PLPP1: variants seen among roughly 807,000 people sequenced by gnomAD.
PLPP1 encodes the protein lipid phosphate phosphohydrolase 1a.
A neutral mutation model predicts 31.2 loss-of-function variants in PLPP1; 24 were observed. That is an observed-to-expected ratio of 0.77 (90% CI 0.56 to 1.08). The LOEUF is 1.08. Among genes scored for constraint, PLPP1 ranks in the 50% least tolerant of loss-of-function variants. The probability of loss-of-function intolerance (pLI) is 0.00; values close to 1 mark genes in which losing one functional copy is unlikely to be tolerated. For missense variants in PLPP1, 319 were observed against 342.7 expected (o/e 0.93, Z 0.55); for synonymous variants, 146 against 126.3 (o/e 1.16, Z -1.05).
chr5:55,534,363 C>A (rs900628204), intron 1 of PLPP1, among the ~76,000 whole-genome samples: 1 of 152,192 alleles, frequency 6.6e-6, no homozygotes, highest in Non-Finnish European at 1.5e-5. Flanking sequence ...GGGCTCATCG[C>A]ACCGGCGGGC....
intron 3 of PLPP1, among the ~76,000 whole-genome samples, 178 bp downstream of exon 3, chr5:55,467,691 C>T (rs759039576): frequency 1.2e-4 from 18 of 151,862 alleles, no homozygotes; most frequent in Admixed American, 4.6e-4. Flanking sequence ...AAATGGAAGA[C>T]AGCAATAAAA....
chr5:55,444,084 CTTT>C (rs11374794), intron 3 of PLPP1, among the ~76,000 whole-genome samples: 4 of 140,590 alleles, frequency 2.8e-5, no homozygotes, highest in Non-Finnish European at 3.1e-5. Context: ...AGCCCAAATG[CTTT>C]TTTTTTTTTT....
At chr5:55,495,986 T>A (rs1202860070) in intron 1 of PLPP1, among the ~76,000 whole-genome samples, 3 of 152,116 alleles carry the variant, frequency 2.0e-5, no homozygotes, top group Non-Finnish European at 4.4e-5. Flanking sequence ...GCCTCCTGAT[T>A]AGCTGGGACC....
chr5:55,504,156 G>A (rs1181338819), intron 1 of PLPP1, among the ~76,000 whole-genome samples: 1 of 151,440 alleles, frequency 6.6e-6, no homozygotes, highest in Non-Finnish European at 1.5e-5. Context: ...GGATCAGGAG[G>A]TCAGGAGTTT....
At chr5:55,534,459 C>A (rs1430728164) in intron 1 of PLPP1, 113 bp downstream of exon 1, 48 of 1,142,682 alleles carry the variant, frequency 4.2e-5, no homozygotes, top group Non-Finnish European at 1.2e-5. Context: ...CGTGTGTCGC[C>A]CCACAGCTGC....
At chr5:55,524,580 C>T (rs1267084666) in intron 1 of PLPP1, among the ~76,000 whole-genome samples, 4 of 152,200 alleles carry the variant, frequency 2.6e-5, no homozygotes, top group Non-Finnish European at 4.4e-5. Flanking sequence ...GGAGCCAAGA[C>T]GGGTGGATCA....
At chr5:55,459,298 G>T (rs1446483891) in intron 3 of PLPP1, among the ~76,000 whole-genome samples, 1 of 149,568 alleles carries the variant, frequency 6.7e-6, no homozygotes, top group Non-Finnish European at 1.5e-5. Context: ...AAAAAACAAA[G>T]TTTACGCAAA....
intron 3 of PLPP1, among the ~76,000 whole-genome samples, chr5:55,457,687 G>C (rs979679051): frequency 6.6e-6 from 1 of 152,002 alleles, no homozygotes; most frequent in Non-Finnish European, 1.5e-5. Context: ...TCAGCAGTTC[G>C]AGACCAGCCT....
intron 4 of PLPP1, among the ~76,000 whole-genome samples, chr5:55,429,908 C>A (rs1043288000): frequency 6.6e-6 from 1 of 152,058 alleles, no homozygotes; most frequent in Non-Finnish European, 1.5e-5. Flanking sequence ...ACAAAAACAC[C>A]CCTACCTACC....
rs1740831852 is a variant in PLPP1, at chr5:55,534,898, T to C, written c.-269A>G. The stretch of plus-strand genomic sequence containing the variant: ...TGCCAGCCGCGGCAGCTCTGTAGCC[T>C]CAGGACCTCCTCAGCCGGCACGGCC... On this transcript the variant is annotated 5_prime_UTR_variant, in exon 1 of 6. Coordinates refer to ENST00000307259, the MANE Select transcript of PLPP1 (RefSeq NM_003711.4). 2 of 464,140 alleles carry C rather than the reference T, an allele frequency of 4.3e-6. No individual in the cohort carries two copies. Among genetic ancestry groups the C allele is most frequent in the Non-Finnish European group, 7.6e-6 (2 of 262,432 alleles). The allele number at this position is 464,140 out of a possible 1,614,324, so 28.8% of individuals were successfully genotyped here.
At chr5:55,530,925 G>GTGACATGGTGACAGCGGCAGCGGCC (rs369790486) in intron 1 of PLPP1, among the ~76,000 whole-genome samples, 1 of 151,866 alleles carries the variant, frequency 6.6e-6, no homozygotes, top group African/African-American at 2.4e-5. Context: ...GGCCCCGATG[G>GTGACATGGTGACAGCGGCAGCGGCC]TGACATGGTG....
intron 1 of PLPP1, among the ~76,000 whole-genome samples, chr5:55,489,176 C>T (rs939200481): frequency 3.9e-5 from 6 of 152,084 alleles, no homozygotes; most frequent in Non-Finnish European, 7.4e-5. Flanking sequence ...CCAGCATGGG[C>T]GACAAGAGCA....
chr5:55,492,052 A>T (rs1445261454), intron 1 of PLPP1, among the ~76,000 whole-genome samples: 1 of 148,500 alleles, frequency 6.7e-6, no homozygotes, highest in Non-Finnish European at 1.5e-5. Flanking sequence ...AAATAATTTC[A>T]GTTGAAATTT....
chr5:55,427,961 A>G (rs1561218638), intron 4 of PLPP1, among the ~76,000 whole-genome samples: 1 of 151,932 alleles, frequency 6.6e-6, no homozygotes, highest in Non-Finnish European at 1.5e-5. Flanking sequence ...AATTGTCTGT[A>G]TTTTTAGTAG....
At chr5:55,474,209 C>T (rs1041158137) in intron 2 of PLPP1, among the ~76,000 whole-genome samples, 16 of 151,016 alleles carry the variant, frequency 1.1e-4, no homozygotes, top group Non-Finnish European at 5.9e-5. Flanking sequence ...GTTGGCCAGG[C>T]TGGTCTCGAA....
intron 1 of PLPP1, among the ~76,000 whole-genome samples, chr5:55,500,584 A>AT (rs2111879235): frequency 6.6e-6 from 1 of 152,278 alleles, no homozygotes. Flanking sequence ...ATGTTTGAAT[A>AT]TTTTATAATA....
intron 1 of PLPP1, among the ~76,000 whole-genome samples, chr5:55,519,065 TA>T (rs777544547): frequency 6.6e-6 from 1 of 152,110 alleles, no homozygotes; most frequent in African/African-American, 2.4e-5. Context: ...GGGAAATCCA[TA>T]AAAAAACTTC....
chr5:55,463,536 C>A (rs1005761773), intron 3 of PLPP1, among the ~76,000 whole-genome samples: 5 of 151,802 alleles, frequency 3.3e-5, no homozygotes, highest in African/African-American at 1.2e-4. Context: ...TGGCACACAC[C>A]TGTAATCCCA....
intron 4 of PLPP1, among the ~76,000 whole-genome samples, chr5:55,429,211 G>A (rs887843631): frequency 6.6e-6 from 1 of 152,106 alleles, no homozygotes; most frequent in African/African-American, 2.4e-5. Flanking sequence ...CTATGGTCGA[G>A]GACAGCAAGC....
Sources: allele counts gnomAD v4.1 joint callset (sites outside exome capture counted in the v4.1 genomes callset), GRCh38; gene constraint gnomAD v4.1.1; transcripts MANE v1.5; gene names NCBI Gene and HGNC (gene_info 2026-07-23, HGNC 2026-07-21).